NDEL1: variants seen among roughly 807,000 people sequenced by gnomAD.
The protein encoded by NDEL1 is nudE neurodevelopment protein 1 like 1, also known as nuclear distribution protein nudE-like 1.
In NDEL1, 9 loss-of-function variants were observed where a neutral mutation model predicts 45.7. The observed-to-expected ratio is 0.20, with a 90% CI of 0.12 to 0.34. The LOEUF is 0.34. NDEL1 is among the 10% of genes least tolerant of loss of function. The pLI is 1.00. For synonymous variants in NDEL1, 133 were observed against 158.6 expected, an observed-to-expected ratio of 0.84 and a Z score of 1.21; for missense variants, 306 against 406.2, an observed-to-expected ratio of 0.75 and a Z score of 2.12.
At chr17:8,446,105 T>C (rs1188945882) in intron 3 of NDEL1, 5 of 304,920 alleles carry the variant, frequency 1.6e-5, no homozygotes, top group Admixed American at 5.1e-5. Flanking sequence ...CCTAGCTATA[T>C]TATATTATAG....
At chr17:8,459,890 C>G (rs950199911) in intron 7 of NDEL1, 119 bp from the exon 8 acceptor site, 1 of 988,274 alleles carries the variant, frequency 1.0e-6, no homozygotes, top group Non-Finnish European at 1.5e-6. Flanking sequence ...CTGAACTAAC[C>G]ACCATTATCA....
chr17:8,419,195 A>T (rs1012520584), intron 1 of NDEL1, among the ~76,000 whole-genome samples: 7 of 152,156 alleles, frequency 4.6e-5, no homozygotes, highest in African/African-American at 1.7e-4. Flanking sequence ...CAGACTTCAG[A>T]AAATAGTGAT....
upstream of NDEL1, among the ~76,000 whole-genome samples, chr17:8,434,639 G>A (rs554363199): frequency 6.6e-6 from 1 of 152,186 alleles, no homozygotes; most frequent in South Asian, 2.1e-4. Flanking sequence ...CACTCCCTAT[G>A]TAAGTTGCCT....
At chr17:8,446,926 T>C (rs1567732648) in intron 4 of NDEL1, 24 bp downstream of exon 4, 13 of 1,607,474 alleles carry the variant, frequency 8.1e-6, no homozygotes, top group Non-Finnish European at 1.0e-5. Flanking sequence ...TGCATTTTGT[T>C]AGAAAAAAAC....
chr17:8,454,912 G>A (rs1910734365), intron 7 of NDEL1, 25 bp downstream of exon 7: 1 of 1,553,024 alleles, frequency 6.4e-7, no homozygotes, highest in Non-Finnish European at 8.9e-7. Flanking sequence ...TTTATCACTA[G>A]GTGTTTCCAC....
upstream of NDEL1, among the ~76,000 whole-genome samples, chr17:8,432,992 A>G (rs1909054931): frequency 6.6e-6 from 1 of 151,968 alleles, no homozygotes; most frequent in Admixed American, 6.6e-5. Context: ...TTTGCTCTTG[A>G]CTGGTTCACT....
chr17:8,414,117 C>T (rs537663962), intron 1 of NDEL1, among the ~76,000 whole-genome samples: 1 of 151,864 alleles, frequency 6.6e-6, no homozygotes, highest in Non-Finnish European at 1.5e-5. Flanking sequence ...AATTATCTAC[C>T]TTGTCCTTTT....
intron 1 of NDEL1, among the ~76,000 whole-genome samples, chr17:8,441,947 G>GA (rs751636668): frequency 7.6e-4 from 115 of 152,018 alleles, no homozygotes; most frequent in Admixed American, 4.2e-3. Flanking sequence ...TCTTGTATAA[G>GA]AAAAAATCTC....
chr17:8,428,323 G>GGTGTGTGTGT (rs61341198), intron 1 of NDEL1, among the ~76,000 whole-genome samples: 1,598 of 61,932 alleles, frequency 0.026, 26 homozygotes, highest in South Asian at 0.035. Flanking sequence ...AAGTGTGTGT[G>GGTGTGTGTGT]GTGTGTGTGT....
Position 8,418,820 on chromosome 17 carries a change from CCTCT to C in NDEL1, c.-13+5564_-13+5567del, listed in dbSNP as rs545415614. ...TTCTTTTCCTTTTCTTTTCTTTCTT[CCTCT>C]CTCTCTCTCTCTTTCTCTTTCTCTC... On this transcript the variant is annotated intron_variant, in intron 1 of 4. Coordinates refer to the NDEL1 transcript ENST00000582812. Among the ~76,000 whole-genome samples the C allele has an allele frequency of 1.9e-3, 229 of 118,122 alleles. 1 individual carries two copies. Among genetic ancestry groups the C allele is most frequent in the African/African-American group, 5.9e-3 (212 of 35,936 alleles). 77.5% of individuals were successfully genotyped at this position (118,122 alleles called of 152,430 possible).
chr17:8,417,151 C>G (rs554674084), intron 1 of NDEL1, among the ~76,000 whole-genome samples: 2 of 151,974 alleles, frequency 1.3e-5, no homozygotes, highest in Non-Finnish European at 2.9e-5. Flanking sequence ...GACTCTTGCT[C>G]TGTCTCCCAG....
At chr17:8,463,260 G>A (rs2151740528) in intron 8 of NDEL1, 1 of 1,427,954 alleles carries the variant, frequency 7.0e-7, no homozygotes, top group Non-Finnish European at 9.8e-7. Flanking sequence ...CTAATTTTAG[G>A]GCGTGATGTG....
chr17:8,456,192 A>G (rs973167840), intron 7 of NDEL1, among the ~76,000 whole-genome samples: 1 of 152,200 alleles, frequency 6.6e-6, no homozygotes, highest in African/African-American at 2.4e-5. Flanking sequence ...TCAGCTCATC[A>G]TAGGGGTTAT....
chr17:8,459,695 T>TG (rs1484067269), intron 7 of NDEL1, among the ~76,000 whole-genome samples: 2 of 152,102 alleles, frequency 1.3e-5, no homozygotes, highest in African/African-American at 2.4e-5. Context: ...AAACGAGCAA[T>TG]GGATAGGGTC....
rs767303636 is a variant in NDEL1 at position 8,454,876 on chromosome 17, C to A, written c.781C>A (p.Arg261=). ...ACTAAACATCGTGGGGGATCTCTTA[C>A]GGAAAGTAGGGGTAAGTTTCAATTA... ...SALNIVGDLL[R]KVGALESKLA... is the part of the protein sequence containing the mutation. The change falls in exon 7 of 9, where the codon CGG becomes AGG. Residue 261 remains arginine, a synonymous_variant. Coordinates refer to ENST00000334527, the MANE Select transcript of NDEL1 (RefSeq NM_030808.5). 1 of 1,612,874 alleles carries A rather than the reference C, an allele frequency of 6.2e-7. No homozygotes were observed. The highest frequency in any genetic ancestry group is 8.5e-7 in the Non-Finnish European group (1 of 1,179,288).
At chr17:8,445,606 G>A (rs1450937249) in intron 2 of NDEL1, 105 bp from the exon 3 acceptor site, 1 of 1,159,368 alleles carries the variant, frequency 8.6e-7, no homozygotes, top group Non-Finnish European at 1.2e-6. Context: ...TTTTATGAGA[G>A]CATTAGCATT....
Position 8,428,925 on chromosome 17 carries a change from G to A in NDEL1, c.-12-15335G>A, listed in dbSNP as rs529732748. Among the ~76,000 whole-genome samples, 1,326 of 151,634 alleles carry A rather than the reference G, an allele frequency of 8.7e-3. 10 individuals carry two copies. Among genetic ancestry groups the A allele is most frequent in the Non-Finnish European group, 0.011 (714 of 67,830 alleles). ...CCTGACCTTGTGATCTGCCTGCCTT[G>A]GCCTCCCAAAGTGCTGGGATTACAG... is the stretch of plus-strand genomic sequence containing the variant. On this transcript the variant is annotated intron_variant, in intron 1 of 4. Coordinates refer to the NDEL1 transcript ENST00000582812.
At chr17:8,438,377 G>A (rs1056120972) in intron 1 of NDEL1, among the ~76,000 whole-genome samples, 2 of 152,190 alleles carry the variant, frequency 1.3e-5, no homozygotes, top group African/African-American at 4.8e-5. Context: ...AATATCTCCA[G>A]TTACATAGTT....
At chr17:8,450,431 T>C (rs979160847) in intron 5 of NDEL1, among the ~76,000 whole-genome samples, 43 of 152,344 alleles carry the variant, frequency 2.8e-4, no homozygotes, top group African/African-American at 1.0e-3. Context: ...ACTTAGTTGA[T>C]TTTGCAATAA....
Sources: allele counts gnomAD v4.1 joint callset (sites outside exome capture counted in the v4.1 genomes callset), GRCh38; gene constraint gnomAD v4.1.1; transcripts MANE v1.5; gene names NCBI Gene and HGNC (gene_info 2026-07-23, HGNC 2026-07-21).